PLPPR4: variants seen among roughly 807,000 people sequenced by gnomAD.
PLPPR4 encodes phospholipid phosphatase related 4.
In PLPPR4, 24 loss-of-function variants were observed where a neutral mutation model predicts 56.6. The observed-to-expected ratio is 0.42, with a 90% confidence interval of 0.31 to 0.60. PLPPR4 has a LOEUF of 0.60. PLPPR4 is among the 20% of genes least tolerant of loss of function. PLPPR4 has a pLI of 0.13. For synonymous variants in PLPPR4, 326 were observed against 328.1 expected (o/e 0.99, Z 0.07); for missense variants, 654 against 885.8 (o/e 0.74, Z 3.32).
intron 2 of PLPPR4, among the ~76,000 whole-genome samples, chr1:99,288,432 C>T (rs1411181122): frequency 1.3e-5 from 2 of 152,012 alleles, no homozygotes; most frequent in Non-Finnish European, 2.9e-5. Context: ...CTTTGAATGG[C>T]TAATAGGACA....
In PLPPR4 at chr1:99,307,589, G is replaced by C. The variant is rs1660067061; in HGVS notation, c.*579G>C. 6.6e-6 allele frequency: 1 copy of C among 152,418 alleles called. No homozygotes were observed. The highest frequency in any genetic ancestry group is 6.5e-5 in the Admixed American group (1 of 15,300). The allele number at this position is 152,418 out of a possible 1,614,324, so 9.4% of individuals were successfully genotyped here. On this transcript the variant is annotated 3_prime_UTR_variant, in exon 7 of 7. Transcript: ENST00000370185. ...AGAAGATGCTGGCTGCTTTGTGTTAGAATAGGACACCCCGCAGCTTCTCTG... is the reference window on the plus strand; with the variant it reads ...AGAAGATGCTGGCTGCTTTGTGTTACAATAGGACACCCCGCAGCTTCTCTG...
At chr1:99,287,102 A>G (rs1399221167) in intron 1 of PLPPR4, among the ~76,000 whole-genome samples, 1 of 151,982 alleles carries the variant, frequency 6.6e-6, no homozygotes, top group Non-Finnish European at 1.5e-5. Flanking sequence ...CGTGTTCTCA[A>G]TGTTAAACTC....
chr1:99,270,717 CATCAGTAGGAAATACAAA>C (rs1403515949), intron 1 of PLPPR4, among the ~76,000 whole-genome samples: 4 of 152,162 alleles, frequency 2.6e-5, no homozygotes, highest in African/African-American at 9.7e-5. Flanking sequence ...TAAACTTTAG[CATCAGTAGGAAATACAAA>C]ATCACATTTC....
intron 6 of PLPPR4, 110 bp from the exon 7 acceptor site, chr1:99,305,575 A>G (rs1660000826): frequency 4.1e-6 from 4 of 977,740 alleles, no homozygotes; most frequent in Admixed American, 4.8e-5. Context: ...GTACTAGTCA[A>G]TGGTGTATAG....
intron 2 of PLPPR4, among the ~76,000 whole-genome samples, chr1:99,293,548 G>A (rs866188584): frequency 2.0e-5 from 3 of 152,050 alleles, no homozygotes; most frequent in African/African-American, 4.8e-5. Flanking sequence ...AAAAAAGGGC[G>A]CTTTTTCTTC....
chr1:99,307,231 A>G lies in PLPPR4; in HGVS notation c.*221A>G, dbSNP rs1660054289. ...ACCTAACTAACGTGATGATATGAAG[A>G]GTTTTCTTAAGACCTGTCGTCAAAC... On this transcript the variant is annotated 3_prime_UTR_variant, in exon 7 of 7. Transcript: ENST00000370185. The G allele has an allele frequency of 3.9e-6, 2 of 516,806 alleles. No individual in the cohort carries two copies. The highest frequency in any genetic ancestry group is 7.4e-5 in the Admixed American group (2 of 27,008). 32.0% of individuals were successfully genotyped at this position (516,806 alleles called of 1,614,324 possible). A position where few individuals can be genotyped will look rare whatever the true frequency, so the allele number is the denominator to read the frequency against.
intron 1 of PLPPR4, among the ~76,000 whole-genome samples, chr1:99,279,694 G>A (rs746764514): frequency 2.0e-4 from 31 of 152,150 alleles, no homozygotes; most frequent in Non-Finnish European, 3.8e-4. Flanking sequence ...GTGGCAGAAT[G>A]ACAGCAGGAT....
At chr1:99,280,927 C>G (rs1659307408) in intron 1 of PLPPR4, among the ~76,000 whole-genome samples, 1 of 152,040 alleles carries the variant, frequency 6.6e-6, no homozygotes, top group Non-Finnish European at 1.5e-5. Context: ...AAAATTTGCA[C>G]TTTATTTTGT....
chr1:99,290,470 AC>A (rs139824164), intron 2 of PLPPR4, among the ~76,000 whole-genome samples: 4,031 of 152,120 alleles, frequency 0.026, 126 homozygotes, highest in East Asian at 0.13. Flanking sequence ...ACCAAAAAAG[AC>A]CCCAAAGAGC....
intron 1 of PLPPR4, among the ~76,000 whole-genome samples, chr1:99,286,634 G>A (rs904589379): frequency 6.6e-6 from 1 of 152,234 alleles, no homozygotes; most frequent in Non-Finnish European, 1.5e-5. Flanking sequence ...AGAAGCAGTA[G>A]TATAAAGAGC....
chr1:99,277,811 A>G (rs114339149), intron 1 of PLPPR4, among the ~76,000 whole-genome samples: 507 of 152,238 alleles, frequency 3.3e-3, no homozygotes, highest in Non-Finnish European at 6.1e-3. Context: ...GGTGCAAAAA[A>G]TTGAAATCCA....
Position 99,308,845 on chromosome 1 carries a change from C to G in PLPPR4, c.*1835C>G, listed in dbSNP as rs1383217883. ...TGTTGCCTTCCCCACTTCTCACCAC[C>G]ACCGCCATCATGACGCTCATACTGG... On this transcript the variant is annotated 3_prime_UTR_variant, in exon 7 of 7. Coordinates refer to ENST00000370185, the MANE Select transcript of PLPPR4 (RefSeq NM_014839.5). The G allele has an allele frequency of 6.6e-6, 1 of 152,594 alleles. No individual in the cohort carries two copies. Among genetic ancestry groups the G allele is most frequent in the African/African-American group, 2.4e-5 (1 of 41,426 alleles). 9.5% of individuals were successfully genotyped at this position (152,594 alleles called of 1,614,324 possible). A position where few individuals can be genotyped will look rare whatever the true frequency, so the allele number is the denominator to read the frequency against.
rs114918502 is a variant in PLPPR4 at position 99,273,621 on chromosome 1, G to T, written c.78+8950G>T. 3.2e-3 allele frequency among the ~76,000 whole-genome samples: 494 copies of T among 152,102 alleles called. 2 individuals are homozygous for T. Among genetic ancestry groups the T allele is most frequent in the African/African-American group, 0.011 (464 of 41,546 alleles). On this transcript the variant is annotated intron_variant, in intron 1 of 6. Coordinates refer to ENST00000370185, the MANE Select transcript of PLPPR4 (RefSeq NM_014839.5). ...AGGAATGCTAAAATGAAATTCCAGG[G>T]TATAACCTGTTTTGTACTCTTACAA...
At chr1:99,281,543 G>A (rs1557776228) in intron 1 of PLPPR4, among the ~76,000 whole-genome samples, 1 of 151,940 alleles carries the variant, frequency 6.6e-6, no homozygotes, top group East Asian at 1.9e-4. Context: ...CTAATATTAT[G>A]TTATTATTAT....
At chr1:99,281,317 T>C (rs529486494) in intron 1 of PLPPR4, among the ~76,000 whole-genome samples, 3 of 152,298 alleles carry the variant, frequency 2.0e-5, no homozygotes, top group Admixed American at 6.5e-5. Flanking sequence ...TCAATTTGTA[T>C]CTATTCATGT....
rs1461516745 is a variant in PLPPR4, at chr1:99,264,515, G to A, written c.-79G>A. 1.3e-6 allele frequency: 2 copies of A among 1,549,542 alleles called. No homozygotes were observed. The highest frequency in any genetic ancestry group is 1.7e-6 in the Non-Finnish European group (2 of 1,147,242). On this transcript the variant is annotated 5_prime_UTR_variant, in exon 1 of 7. Coordinates refer to ENST00000370185, the MANE Select transcript of PLPPR4 (RefSeq NM_014839.5). ...ACATCAGCGGCGCCGGGCGCTTGGG[G>A]CTGGAGGAGGCAGCTCGCCTCAGCT...
intron 6 of PLPPR4, among the ~76,000 whole-genome samples, chr1:99,302,677 A>C (rs1400065617): frequency 1.1e-5 from 1 of 93,810 alleles, no homozygotes; most frequent in African/African-American, 4.2e-5. Context: ...CCCCCACCCC[A>C]CAACAGTCTC....
chr1:99,286,861 G>A (rs575046866), intron 1 of PLPPR4, among the ~76,000 whole-genome samples: 62 of 152,292 alleles, frequency 4.1e-4, no homozygotes, highest in African/African-American at 1.4e-3. Context: ...CAAGTTGAGT[G>A]GGAACCACTA....
At chr1:99,266,396 A>G (rs1356218521) in intron 1 of PLPPR4, among the ~76,000 whole-genome samples, 2 of 152,248 alleles carry the variant, frequency 1.3e-5, no homozygotes, top group Non-Finnish European at 2.9e-5. Flanking sequence ...GGCAAACCAG[A>G]GAATTAAGGA....
Sources: allele counts gnomAD v4.1 joint callset (sites outside exome capture counted in the v4.1 genomes callset), GRCh38; gene constraint gnomAD v4.1.1; transcripts MANE v1.5; gene names NCBI Gene and HGNC (gene_info 2026-07-23, HGNC 2026-07-21).